EEFSEC: variants seen among roughly 807,000 people sequenced by gnomAD.
EEFSEC encodes eukaryotic elongation factor, selenocysteine-tRNA specific, also known as selenocysteine-specific elongation factor.
In EEFSEC, 43 loss-of-function variants were observed where a neutral mutation model predicts 42.1. The ratio of observed to expected loss-of-function variants is 1.02; its 90% CI spans 0.80 to 1.32. EEFSEC has a LOEUF of 1.32. EEFSEC is among the 40% of genes most tolerant of loss of function. The pLI is 0.00. For missense variants in EEFSEC, 745 were observed against 803.6 expected (o/e 0.93, Z 0.88); for synonymous variants, 354 against 339.1 (o/e 1.04, Z -0.48).
At position 128,209,828 on chromosome 3, in the gene EEFSEC, A is replaced by G. The variant is rs556894884; in HGVS notation, c.317-37008A>G. On this transcript the variant is annotated intron_variant, in intron 1 of 6. Transcript: ENST00000254730. Reference sequence around the variant, plus strand: ...GGTATTTTAGAGAGGTAATAAGTAGATTATGTCCCCAGTTGAGACTTGCTC... The same window carrying G: ...GGTATTTTAGAGAGGTAATAAGTAGGTTATGTCCCCAGTTGAGACTTGCTC... Among the ~76,000 whole-genome samples the G allele has an allele frequency of 2.0e-5, 3 of 152,370 alleles. No individual in the cohort carries two copies. The South Asian group carries it at 6.2e-4, about 32-fold the overall frequency.
intron 1 of EEFSEC, among the ~76,000 whole-genome samples, chr3:128,155,034 A>T (rs1481376183): frequency 1.3e-5 from 2 of 152,128 alleles, no homozygotes; most frequent in East Asian, 3.8e-4. Context: ...AATAAGACAA[A>T]CATTCCCTTA....
intron 6 of EEFSEC, among the ~76,000 whole-genome samples, chr3:128,360,019 C>T (rs973803789): frequency 1.3e-5 from 2 of 152,228 alleles, no homozygotes; most frequent in African/African-American, 4.8e-5. Flanking sequence ...GTCACAGAGG[C>T]ATTGCTTCTC....
chr3:128,203,392 C>T (rs1349669996), intron 1 of EEFSEC, among the ~76,000 whole-genome samples: 1 of 152,156 alleles, frequency 6.6e-6, no homozygotes, highest in Non-Finnish European at 1.5e-5. Flanking sequence ...TCCACCTGGG[C>T]AGAGGAAGAT....
At chr3:128,338,621 C>A (rs2067216711) in intron 4 of EEFSEC, among the ~76,000 whole-genome samples, 1 of 152,196 alleles carries the variant, frequency 6.6e-6, no homozygotes, top group Non-Finnish European at 1.5e-5. Context: ...CATTCAGAAG[C>A]ACAGCATTTA....
intron 4 of EEFSEC, among the ~76,000 whole-genome samples, chr3:128,290,539 C>T (rs2066632125): frequency 6.7e-6 from 1 of 149,942 alleles, no homozygotes; most frequent in African/African-American, 2.5e-5. Flanking sequence ...TCTTCTAGGT[C>T]CTTTGCATCT....
chr3:128,192,831 G>C (rs2065540450), intron 1 of EEFSEC, among the ~76,000 whole-genome samples: 1 of 152,164 alleles, frequency 6.6e-6, no homozygotes, highest in Non-Finnish European at 1.5e-5. Flanking sequence ...TCTTGAAATT[G>C]GTGGGTAGTA....
chr3:128,156,604 T>C (rs1944385802), intron 1 of EEFSEC, among the ~76,000 whole-genome samples: 1 of 152,268 alleles, frequency 6.6e-6, no homozygotes, highest in South Asian at 2.1e-4. Flanking sequence ...AAACTTTTCA[T>C]CAAATATTAA....
At chr3:128,379,868 A>G (rs73861057) in intron 6 of EEFSEC, among the ~76,000 whole-genome samples, 10,811 of 152,282 alleles carry the variant, frequency 0.071, 790 homozygotes, top group African/African-American at 0.19. Flanking sequence ...CTTTTCCATC[A>G]CAGAGGTGGA....
At chr3:128,355,567 A>G (rs2067442426) in intron 5 of EEFSEC, among the ~76,000 whole-genome samples, 4 of 148,128 alleles carry the variant, frequency 2.7e-5, no homozygotes, top group Non-Finnish European at 5.9e-5. Flanking sequence ...TACTTTTAAT[A>G]TGTTCATGTT....
intron 5 of EEFSEC, among the ~76,000 whole-genome samples, chr3:128,344,849 T>A (rs2067293696): frequency 6.6e-6 from 1 of 152,220 alleles, no homozygotes; most frequent in South Asian, 2.1e-4. Context: ...AGAGCCACCA[T>A]AGCTTGTGGC....
intron 1 of EEFSEC, among the ~76,000 whole-genome samples, chr3:128,172,859 G>A (rs934631542): frequency 1.3e-5 from 2 of 152,188 alleles, no homozygotes; most frequent in African/African-American, 4.8e-5. Context: ...GATAGCAATC[G>A]AGGAGAAAAG....
rs189258880 is a variant in EEFSEC, at chr3:128,316,527, T to A, written c.787-24706T>A. ...TGATCGACAGGCACGTGGTTTCCAG[T>A]GTTTTTGGCTATGGGAAAGTGTGCT... On this transcript the variant is annotated intron_variant, in intron 4 of 6. Coordinates refer to ENST00000254730, the MANE Select transcript of EEFSEC (RefSeq NM_021937.5). 5.3e-5 allele frequency among the ~76,000 whole-genome samples: 8 copies of A among 152,274 alleles called. No homozygotes were observed. The East Asian group carries it at 1.5e-3, about 29-fold the overall frequency.
chr3:128,179,923 T>C (rs2065387998), intron 1 of EEFSEC, among the ~76,000 whole-genome samples: 1 of 152,210 alleles, frequency 6.6e-6, no homozygotes, highest in South Asian at 2.1e-4. Context: ...CCATACTTTT[T>C]TGGAGGTAGA....
At chr3:128,270,213 G>A (rs958536398) in intron 4 of EEFSEC, among the ~76,000 whole-genome samples, 2 of 152,142 alleles carry the variant, frequency 1.3e-5, no homozygotes, top group Non-Finnish European at 2.9e-5. Context: ...GTTTATTGTT[G>A]CCATTTGATA....
chr3:128,272,346 T>G (rs1473180369), intron 4 of EEFSEC, among the ~76,000 whole-genome samples: 2 of 152,196 alleles, frequency 1.3e-5, no homozygotes, highest in African/African-American at 4.8e-5. Flanking sequence ...CCTAGGGGTT[T>G]GGGGAAAAGC....
chr3:128,348,927 A>T (rs1206169351), intron 5 of EEFSEC, among the ~76,000 whole-genome samples: 1 of 152,238 alleles, frequency 6.6e-6, no homozygotes, highest in Non-Finnish European at 1.5e-5. Context: ...TCAGAGGAAT[A>T]TGCAGAGGGC....
chr3:128,377,025 G>A (rs950327256), intron 6 of EEFSEC, among the ~76,000 whole-genome samples: 1 of 151,930 alleles, frequency 6.6e-6, no homozygotes, highest in Admixed American at 6.6e-5. Context: ...AAACTGGTTT[G>A]AAAAAAACCT....
At chr3:128,184,653 G>A (rs953869349) in intron 1 of EEFSEC, among the ~76,000 whole-genome samples, 2 of 152,080 alleles carry the variant, frequency 1.3e-5, no homozygotes, top group African/African-American at 4.8e-5. Context: ...TATTTTTCAA[G>A]TTATTACTTA....
In EEFSEC at chr3:128,358,275, A is replaced by G; in HGVS notation, c.1502A>G (p.Gln501Arg). 3 of 1,614,258 alleles carry G rather than the reference A, an allele frequency of 1.9e-6. No individual in the cohort carries two copies. Among genetic ancestry groups the G allele is most frequent in the South Asian group, 1.1e-5 (1 of 91,084 alleles). The change falls in exon 6 of 7, where the codon CAG becomes CGG. Residue 501 changes from glutamine to arginine, a missense_variant. By Grantham distance (43) the Gln-to-Arg change is conservative (BLOSUM62 1). Transcript: ENST00000254730. The part of the protein sequence containing the change: ...RSLFKKETNI[Q>R]LFVGLKVHLS... ...CTGTTCAAAAAGGAAACCAACATCCAGCTCTTCGTGGGGCTCAAGGTGCAC... is the reference window on the plus strand; with the variant it reads ...CTGTTCAAAAAGGAAACCAACATCCGGCTCTTCGTGGGGCTCAAGGTGCAC...
Sources: gnomAD v4.1 joint callset for allele counts (sites outside exome capture counted in the v4.1 genomes callset) on GRCh38, gnomAD v4.1.1 for gene constraint, MANE v1.5 for transcripts, NCBI Gene and HGNC (gene_info 2026-07-23, HGNC 2026-07-21) for gene names.